The following DOK6 variants were observed in gnomAD, a reference collection of about 807,000 sequenced individuals.
DOK6 encodes downstream of tyrosine kinase 6.
DOK6 carries 22 observed loss-of-function variants against 44.0 expected under a neutral mutation model. The observed-to-expected ratio is 0.50, with a 90% CI of 0.36 to 0.71. The LOEUF (loss-of-function observed/expected upper bound fraction) is 0.71, where lower values mean the gene tolerates loss of function less well. Ranked by LOEUF, DOK6 falls within the 30% of genes least tolerant of loss-of-function variation. The pLI, the probability that DOK6 is intolerant of heterozygous loss-of-function variation, is 0.00. For synonymous variants in DOK6, 166 were observed against 145.5 expected (o/e 1.14, Z -1.01); for missense variants, 340 against 416.4 (o/e 0.82, Z 1.60).
At chr18:69,435,939 C>T (rs1312493707) in intron 1 of DOK6, among the ~76,000 whole-genome samples, 2 of 151,934 alleles carry the variant, frequency 1.3e-5, no homozygotes, top group African/African-American at 4.8e-5. Context: ...CCTTTATTCC[C>T]TGCTATGAAA....
At chr18:69,439,084 C>T (rs113263490) in intron 1 of DOK6, among the ~76,000 whole-genome samples, 1 of 151,908 alleles carries the variant, frequency 6.6e-6, no homozygotes, top group Non-Finnish European at 1.5e-5. Context: ...ACAAAAACAA[C>T]AATCACCTCC....
chr18:69,794,486 G>A (rs1980687978), intron 7 of DOK6, among the ~76,000 whole-genome samples: 1 of 152,050 alleles, frequency 6.6e-6, no homozygotes, highest in African/African-American at 2.4e-5. Flanking sequence ...CTTTCCCTTA[G>A]GAATACTGGC....
chr18:69,725,974 T>C (rs980538500), intron 5 of DOK6, among the ~76,000 whole-genome samples: 2 of 152,186 alleles, frequency 1.3e-5, no homozygotes, highest in African/African-American at 2.4e-5. Context: ...CTTCTCTCGC[T>C]GGTGGTTACT....
chr18:69,700,457 G>T (rs535702574), intron 5 of DOK6, among the ~76,000 whole-genome samples: 1 of 152,034 alleles, frequency 6.6e-6, no homozygotes, highest in East Asian at 1.9e-4. Flanking sequence ...CATGAAGAAT[G>T]GTTATTCAGA....
chr18:69,646,251 T>G (rs1985069952), intron 3 of DOK6, among the ~76,000 whole-genome samples: 1 of 152,142 alleles, frequency 6.6e-6, no homozygotes, highest in Non-Finnish European at 1.5e-5. Context: ...TTATGCATAT[T>G]TTAGTTACTT....
intron 7 of DOK6, among the ~76,000 whole-genome samples, chr18:69,798,142 G>A (rs910852863): frequency 8.6e-5 from 13 of 152,038 alleles, no homozygotes; most frequent in African/African-American, 3.1e-4. Context: ...GAAAATAAAG[G>A]GATGAAGAGG....
rs566231196 is a variant in DOK6 at position 69,415,610 on chromosome 18, C to T, written c.66+14300C>T. Among the ~76,000 whole-genome samples, 58 of 152,210 alleles carry T rather than the reference C, an allele frequency of 3.8e-4. No homozygotes were observed. The South Asian group carries it at 0.011, about 29-fold the overall frequency. On this transcript the variant is annotated intron_variant, in intron 1 of 7. Coordinates refer to ENST00000382713, the MANE Select transcript of DOK6 (RefSeq NM_152721.6). ...AACTCAAAGTCTGATACAGTGAGTG[C>T]ATGCAGATAGCCGTATTGATATATT...
intron 5 of DOK6, among the ~76,000 whole-genome samples, chr18:69,738,481 G>A (rs1207932931): frequency 4.0e-5 from 6 of 148,650 alleles, no homozygotes; most frequent in Admixed American, 1.3e-4. Context: ...TAAAAAAAAT[G>A]TTTTTAAAAA....
chr18:69,437,786 G>A (rs1273096160), intron 1 of DOK6, among the ~76,000 whole-genome samples: 1 of 152,050 alleles, frequency 6.6e-6, no homozygotes, highest in African/African-American at 2.4e-5. Context: ...TGTTCATTCA[G>A]GCATATCTTA....
At chr18:69,597,773 C>T (rs1019354698) in intron 2 of DOK6, among the ~76,000 whole-genome samples, 1 of 145,916 alleles carries the variant, frequency 6.9e-6, no homozygotes. Context: ...CAGCTGGAAG[C>T]GTGCATATCT....
intron 3 of DOK6, among the ~76,000 whole-genome samples, chr18:69,624,617 A>T (rs906338368): frequency 6.6e-6 from 1 of 152,152 alleles, no homozygotes; most frequent in African/African-American, 2.4e-5. Flanking sequence ...CCAGAGATGT[A>T]TCATGAGAGT....
At chr18:69,586,150 T>C (rs1166122548) in intron 2 of DOK6, among the ~76,000 whole-genome samples, 2 of 152,180 alleles carry the variant, frequency 1.3e-5, no homozygotes, top group African/African-American at 4.8e-5. Context: ...ATTCCAGAAA[T>C]GCCAACGAGA....
chr18:69,674,999 C>A (rs2144683688), intron 3 of DOK6, among the ~76,000 whole-genome samples: 1 of 152,240 alleles, frequency 6.6e-6, no homozygotes, highest in Admixed American at 6.5e-5. Context: ...TTTAGTGTGA[C>A]AATATGTACT....
At chr18:69,620,351 C>A (rs192482371) in intron 3 of DOK6, among the ~76,000 whole-genome samples, 1 of 152,268 alleles carries the variant, frequency 6.6e-6, no homozygotes, top group African/African-American at 2.4e-5. Context: ...TATTTTATAT[C>A]ATTTCACAAT....
chr18:69,831,477 C>G (rs1479273765), intron 7 of DOK6, among the ~76,000 whole-genome samples: 1 of 152,188 alleles, frequency 6.6e-6, no homozygotes, highest in Non-Finnish European at 1.5e-5. Flanking sequence ...TCTCACTGTA[C>G]AGAGTTGATA....
chr18:69,558,476 A>AT (rs5825954), intron 1 of DOK6, among the ~76,000 whole-genome samples: 4,645 of 151,478 alleles, frequency 0.031, 83 homozygotes, highest in Middle Eastern at 0.048. Flanking sequence ...TTATTAAATG[A>AT]TTTTTTTTTG....
intron 2 of DOK6, among the ~76,000 whole-genome samples, chr18:69,586,965 G>A (rs1325168362): frequency 6.6e-6 from 1 of 152,102 alleles, no homozygotes; most frequent in Non-Finnish European, 1.5e-5. Flanking sequence ...ATGCCTTCAG[G>A]TGACACTGAA....
chr18:69,627,285 G>A (rs773138047), intron 3 of DOK6, among the ~76,000 whole-genome samples: 7 of 152,142 alleles, frequency 4.6e-5, no homozygotes, highest in Non-Finnish European at 7.3e-5. Context: ...CTGATTGAGT[G>A]GCAGCCAAGG....
chr18:69,583,905 G>A (rs945974263), intron 2 of DOK6, among the ~76,000 whole-genome samples: 1 of 152,050 alleles, frequency 6.6e-6, no homozygotes, highest in African/African-American at 2.4e-5. Context: ...TCAGGAGATC[G>A]AGACCATCCT....
Sources: gnomAD v4.1 joint callset for allele counts (sites outside exome capture counted in the v4.1 genomes callset) on GRCh38, gnomAD v4.1.1 for gene constraint, MANE v1.5 for transcripts, NCBI Gene and HGNC (gene_info 2026-07-23, HGNC 2026-07-21) for gene names.